Variants in DENND1A observed in about 807,000 individuals in gnomAD.
DENND1A encodes DENN domain containing 1A.
DENND1A carries 51 observed loss-of-function variants against 113.7 expected under a neutral mutation model. That is an observed-to-expected ratio of 0.45 (90% CI 0.36 to 0.57). The LOEUF (loss-of-function observed/expected upper bound fraction) is 0.57, where lower values mean the gene tolerates loss of function less well. Ranked by LOEUF, DENND1A falls within the 20% of genes least tolerant of loss-of-function variation. The pLI is 0.00. For synonymous variants in DENND1A, 565 were observed against 570.8 expected, an observed-to-expected ratio of 0.99 and a Z score of 0.14; for missense variants, 1,258 against 1,395.9, an observed-to-expected ratio of 0.90 and a Z score of 1.57.
intron 21 of DENND1A, among the ~76,000 whole-genome samples, chr9:123,394,592 A>T (rs1348625362): frequency 6.6e-6 from 1 of 152,180 alleles, no homozygotes; most frequent in African/African-American, 2.4e-5. Flanking sequence ...CTCAGTCTGT[A>T]GGTTCACTCC....
intron 11 of DENND1A, among the ~76,000 whole-genome samples, 200 bp downstream of exon 11, chr9:123,609,236 T>C (rs1422249161): frequency 6.6e-6 from 1 of 152,158 alleles, no homozygotes; most frequent in Admixed American, 6.5e-5. Context: ...CCACAGTCTC[T>C]CGGCAAAGTG....
Position 123,414,189 on chromosome 9 carries a change from G to A in DENND1A, c.1489-2360C>T, listed in dbSNP as rs1047756178. On this transcript the variant is annotated intron_variant, in intron 19 of 23. Coordinates refer to ENST00000394215, the MANE Select transcript of DENND1A (RefSeq NM_001352964.2). ...CAGGCCCACGATTTGACCATTCCAA[G>A]CCTTACTGTCCTCATCTGTGAAGTA... 1.3e-5 allele frequency: 14 copies of A among 1,053,318 alleles called. No individual in the cohort carries two copies. The African/African-American group carries it at 2.2e-4, about 16-fold the overall frequency. The allele number at this position is 1,053,318 out of a possible 1,614,324, so 65.2% of individuals were successfully genotyped here.
chr9:123,450,129 G>A (rs549229383), intron 18 of DENND1A, among the ~76,000 whole-genome samples: 57 of 151,302 alleles, frequency 3.8e-4, no homozygotes, highest in Non-Finnish European at 2.4e-4. Context: ...ACTGACGGCT[G>A]GTGAAGACAA....
At chr9:123,740,720 G>C (rs1341348397) in intron 5 of DENND1A, among the ~76,000 whole-genome samples, 1 of 152,074 alleles carries the variant, frequency 6.6e-6, no homozygotes, top group African/African-American at 2.4e-5. Flanking sequence ...TGGGAAACAA[G>C]GATCAGATGA....
intron 10 of DENND1A, among the ~76,000 whole-genome samples, chr9:123,612,284 A>G (rs751061944): frequency 9.9e-5 from 15 of 152,214 alleles, no homozygotes; most frequent in Non-Finnish European, 2.2e-4. Context: ...TACTTATCCA[A>G]TTGGGTAATT....
At chr9:123,640,015 T>C (rs1291166808) in intron 9 of DENND1A, among the ~76,000 whole-genome samples, 1 of 152,166 alleles carries the variant, frequency 6.6e-6, no homozygotes, top group Non-Finnish European at 1.5e-5. Context: ...AACTAGGATA[T>C]GAACCTAGGG....
At chr9:123,574,745 T>C (rs2058544115) in intron 12 of DENND1A, among the ~76,000 whole-genome samples, 1 of 152,186 alleles carries the variant, frequency 6.6e-6, no homozygotes, top group Non-Finnish European at 1.5e-5. Context: ...CTAAAAGCTA[T>C]GGCTTTGGGC....
In DENND1A at chr9:123,627,499, C is replaced by T. The variant is rs149880342; in HGVS notation, c.719+2877G>A. Among the ~76,000 whole-genome samples the T allele has an allele frequency of 1.7e-3, 253 of 152,282 alleles. 5 individuals carry two copies. In the East Asian group the frequency reaches 0.041, roughly 24 times the overall value. On this transcript the variant is annotated intron_variant, in intron 10 of 23. Coordinates refer to ENST00000394215, the MANE Select transcript of DENND1A (RefSeq NM_001352964.2). ...GCTCACGTCTGTAATCGCAGCCCTT[C>T]GGGAGGCCGAGGTGGGTGGATCATG... is the stretch of plus-strand genomic sequence containing the variant.
chr9:123,661,170 A>C (rs2063215231), intron 8 of DENND1A, among the ~76,000 whole-genome samples: 1 of 152,230 alleles, frequency 6.6e-6, no homozygotes. Context: ...AGAATCTCTG[A>C]AGGCTAGGAG....
At chr9:123,533,257 A>G (rs1038859737) in intron 13 of DENND1A, among the ~76,000 whole-genome samples, 1 of 152,244 alleles carries the variant, frequency 6.6e-6, no homozygotes, top group Non-Finnish European at 1.5e-5. Flanking sequence ...ATGTTTCGGT[A>G]CACATTTTGA....
chr9:123,853,969 T>G (rs1472118725), intron 2 of DENND1A, among the ~76,000 whole-genome samples: 1 of 152,176 alleles, frequency 6.6e-6, no homozygotes, highest in Non-Finnish European at 1.5e-5. Context: ...AAAAAATATA[T>G]GTATCATCAC....
chr9:123,768,626 G>T (rs1829218385), intron 4 of DENND1A, among the ~76,000 whole-genome samples: 1 of 152,052 alleles, frequency 6.6e-6, no homozygotes. Flanking sequence ...TGTATGTACA[G>T]TTTCATAGTT....
chr9:123,904,743 T>A (rs1158183807), intron 1 of DENND1A, among the ~76,000 whole-genome samples: 1 of 151,450 alleles, frequency 6.6e-6, no homozygotes, highest in Non-Finnish European at 1.5e-5. Context: ...TTGGTGTACC[T>A]GAAAGTGATG....
chr9:123,928,519 G>A, intron 1 of DENND1A: 2 of 973,108 alleles, frequency 2.1e-6, no homozygotes, highest in Non-Finnish European at 2.4e-6. Flanking sequence ...TTTGGAGCAT[G>A]CTTCTAACTT....
intron 21 of DENND1A, among the ~76,000 whole-genome samples, chr9:123,388,085 T>C (rs950925992): frequency 6.6e-6 from 1 of 152,206 alleles, no homozygotes; most frequent in Non-Finnish European, 1.5e-5. Flanking sequence ...TAGGACCTAG[T>C]AATTCCACTT....
chr9:123,644,390 A>C (rs1042307905), intron 9 of DENND1A, among the ~76,000 whole-genome samples: 1 of 148,288 alleles, frequency 6.7e-6, no homozygotes, highest in Non-Finnish European at 1.5e-5. Context: ...AAAAAAAAAA[A>C]AAAAAAAAAA....
chr9:123,571,119 T>G (rs1186564343), intron 12 of DENND1A, among the ~76,000 whole-genome samples: 1 of 152,104 alleles, frequency 6.6e-6, no homozygotes, highest in Non-Finnish European at 1.5e-5. Context: ...CAGACAAGAT[T>G]ATACATTTGA....
intron 8 of DENND1A, among the ~76,000 whole-genome samples, chr9:123,662,613 C>T (rs572049764): frequency 6.6e-6 from 1 of 152,238 alleles, no homozygotes; most frequent in African/African-American, 2.4e-5. Context: ...AAAATGTTGC[C>T]TCTAACAAGC....
chr9:123,749,077 T>C (rs1299323044), intron 5 of DENND1A, among the ~76,000 whole-genome samples: 3 of 152,228 alleles, frequency 2.0e-5, no homozygotes, highest in Non-Finnish European at 2.9e-5. Flanking sequence ...TAGTTCCAGC[T>C]GGCCTTGGGC....
Sources: gnomAD v4.1 joint callset for allele counts (sites outside exome capture counted in the v4.1 genomes callset) on GRCh38, gnomAD v4.1.1 for gene constraint, MANE v1.5 for transcripts, NCBI Gene and HGNC (gene_info 2026-07-23, HGNC 2026-07-21) for gene names.